ZCWPW1: variants seen among roughly 807,000 people sequenced by gnomAD.
ZCWPW1 encodes the protein zinc finger CW-type PWWP domain protein 1.
ZCWPW1 carries 56 observed loss-of-function variants against 81.3 expected under a neutral mutation model. That is an observed-to-expected ratio of 0.69 (90% CI 0.56 to 0.86). ZCWPW1 has a LOEUF of 0.86. Ranked by LOEUF, ZCWPW1 falls within the 40% of genes least tolerant of loss-of-function variation. The pLI is 0.00. For missense variants in ZCWPW1, 650 were observed against 769.8 expected, an observed-to-expected ratio of 0.84 and a Z score of 1.84; for synonymous variants, 250 against 273.7, an observed-to-expected ratio of 0.91 and a Z score of 0.86.
At chr7:100,402,605 A>G in intron 15 of ZCWPW1, 29 bp from the exon 16 acceptor site, 1 of 1,609,298 alleles carries the variant, frequency 6.2e-7, no homozygotes, top group Non-Finnish European at 8.5e-7. Context: ...GTTTAAAAAA[A>G]TGATAAATCA....
chr7:100,418,383 G>C (rs1420497681), intron 5 of ZCWPW1, among the ~76,000 whole-genome samples: 1 of 152,200 alleles, frequency 6.6e-6, no homozygotes, highest in Non-Finnish European at 1.5e-5. Flanking sequence ...AGGCACTGTA[G>C]CTCACGTCTA....
intron 2 of ZCWPW1, among the ~76,000 whole-genome samples, chr7:100,423,880 T>C (rs1400549598): frequency 6.6e-6 from 1 of 151,944 alleles, no homozygotes; most frequent in African/African-American, 2.4e-5. Context: ...ACCAGCCTGT[T>C]CAACGTGGCG....
chr7:100,422,614 T>C (rs546139345), intron 2 of ZCWPW1, among the ~76,000 whole-genome samples: 5 of 152,234 alleles, frequency 3.3e-5, no homozygotes, highest in African/African-American at 7.2e-5. Flanking sequence ...GGGGTACATG[T>C]GCAGGTTTGT....
At chr7:100,423,503 C>T (rs967017956) in intron 2 of ZCWPW1, among the ~76,000 whole-genome samples, 1 of 152,142 alleles carries the variant, frequency 6.6e-6, no homozygotes, top group Non-Finnish European at 1.5e-5. Flanking sequence ...GTTTTGACAG[C>T]GTGGCCACAG....
intron 2 of ZCWPW1, among the ~76,000 whole-genome samples, chr7:100,422,742 C>T (rs1796576570): frequency 6.6e-6 from 1 of 152,162 alleles, no homozygotes; most frequent in African/African-American, 2.4e-5. Context: ...ACTCTCCACC[C>T]TCAAGTAGGC....
intron 4 of ZCWPW1, 149 bp downstream of exon 4, chr7:100,419,481 G>GA (rs898141770): frequency 0.018 from 21,074 of 1,146,480 alleles, no homozygotes; most frequent in South Asian, 0.025. Flanking sequence ...ACCTCTTTGA[G>GA]AAAAAAAAAA....
chr7:100,407,193 C>T (rs1462433897), intron 11 of ZCWPW1, 35 bp downstream of exon 11: 1 of 1,600,554 alleles, frequency 6.2e-7, no homozygotes, highest in African/African-American at 1.3e-5. Flanking sequence ...TTACTTTGGC[C>T]TGAGCTCCTT....
chr7:100,427,555 C>A (rs183403820), intron 1 of ZCWPW1, among the ~76,000 whole-genome samples: 1 of 151,922 alleles, frequency 6.6e-6, no homozygotes, highest in Admixed American at 6.6e-5. Flanking sequence ...CAAAATTAGC[C>A]GGGCACAGTG....
intron 12 of ZCWPW1, 88 bp downstream of exon 12, chr7:100,406,606 A>C: frequency 8.0e-7 from 1 of 1,254,140 alleles, no homozygotes; most frequent in Non-Finnish European, 1.1e-6. Flanking sequence ...CTTTCTCCCG[A>C]CATGGCTTAC....
chr7:100,405,376 G>A (rs1206275325), intron 12 of ZCWPW1, among the ~76,000 whole-genome samples: 6 of 151,556 alleles, frequency 4.0e-5, no homozygotes, highest in Admixed American at 2.6e-4. Flanking sequence ...GCAGTGAGCC[G>A]AGATTACACT....
At chr7:100,412,414 A>G (rs928659588) in intron 8 of ZCWPW1, among the ~76,000 whole-genome samples, 2 of 152,110 alleles carry the variant, frequency 1.3e-5, no homozygotes, top group African/African-American at 4.8e-5. Flanking sequence ...CTCCCTTCAC[A>G]TAACTGTTCA....
At chr7:100,421,366 T>C (rs1796308707) in intron 2 of ZCWPW1, among the ~76,000 whole-genome samples, 1 of 152,186 alleles carries the variant, frequency 6.6e-6, no homozygotes, top group Non-Finnish European at 1.5e-5. Context: ...CATAAGCCTC[T>C]CCTAAACACT....
chr7:100,404,807 C>A (rs1283612257), intron 13 of ZCWPW1, among the ~76,000 whole-genome samples: 1 of 152,144 alleles, frequency 6.6e-6, no homozygotes, highest in African/African-American at 2.4e-5. Context: ...CTGTTTTTTA[C>A]TCTCTATCCT....
Position 100,408,624 on chromosome 7 carries a change from T to C in ZCWPW1, c.907A>G (p.Thr303Ala), listed in dbSNP as rs538516502. 1.2e-6 allele frequency: 2 copies of C among 1,613,880 alleles called. No homozygotes were observed. Among genetic ancestry groups the C allele is most frequent in the Non-Finnish European group, 1.7e-6 (2 of 1,179,922 alleles). The change falls in exon 10 of 18, where the codon ACC (threonine) becomes GCC (alanine). Residue 303 changes from threonine to alanine, a missense_variant. Physicochemically the swap from Thr to Ala is moderately conservative, Grantham distance 58. Coordinates refer to ENST00000684423, the MANE Select transcript of ZCWPW1 (RefSeq NM_001386010.1). ...ACATCACTCTCAAGCCCTGTCCAGG[T>C]CTCCTCAGGAATATCACAGCGATTA... ...QYNRCDIPEE[T>A]WTGLESDVAY...
intron 8 of ZCWPW1, among the ~76,000 whole-genome samples, chr7:100,415,329 C>T (rs984987591): frequency 2.0e-5 from 3 of 152,058 alleles, no homozygotes; most frequent in Non-Finnish European, 4.4e-5. Flanking sequence ...GATCCACCCA[C>T]CTCGGCATCC....
rs539689015 is a variant in ZCWPW1 at position 100,428,483 on chromosome 7, AACTT to A, written c.-137+81_-137+84del. The A allele has an allele frequency of 7.7e-3, 1,169 of 152,442 alleles. 11 individuals are homozygous for A. Among genetic ancestry groups the A allele is most frequent in the Non-Finnish European group, 0.013 (906 of 68,100 alleles). 9.4% of individuals were successfully genotyped at this position (152,442 alleles called of 1,614,324 possible). On this transcript the variant is annotated intron_variant, in intron 1 of 17. Transcript: ENST00000684423. ...TGATTGTTCCTGAAGCACATCTACT[AACTT>A]TTCTGTTTCAGACTGCCTTTTCCTC... is the stretch of plus-strand genomic sequence containing the variant.
intron 17 of ZCWPW1, 80 bp downstream of exon 17, chr7:100,401,809 T>C: frequency 1.3e-6 from 2 of 1,505,324 alleles, no homozygotes; most frequent in Non-Finnish European, 1.8e-6. Context: ...AGCTGTAAAA[T>C]GGTTAAGAAA....
intron 14 of ZCWPW1, 152 bp from the exon 15 acceptor site, chr7:100,403,937 T>G: frequency 1.0e-6 from 1 of 964,264 alleles, no homozygotes. Flanking sequence ...TTCCACCCTT[T>G]TCAAAGTCCA....
chr7:100,412,227 AC>A (rs1188818669), intron 8 of ZCWPW1, among the ~76,000 whole-genome samples: 17 of 152,212 alleles, frequency 1.1e-4, no homozygotes, highest in Admixed American at 1.1e-3. Flanking sequence ...CTATTTTCAT[AC>A]CTGACAGAAC....
Sources: gnomAD v4.1 joint callset for allele counts (sites outside exome capture counted in the v4.1 genomes callset) on GRCh38, gnomAD v4.1.1 for gene constraint, MANE v1.5 for transcripts, NCBI Gene and HGNC (gene_info 2026-07-23, HGNC 2026-07-21) for gene names.